KCNMA1: variants seen among roughly 807,000 people sequenced by gnomAD.
KCNMA1 encodes the protein potassium calcium-activated channel subfamily M alpha 1, also known as Calcium-activated potassium channel subunit alpha-1.
KCNMA1 carries 29 observed loss-of-function variants against 140.0 expected under a neutral mutation model. The ratio of observed to expected loss-of-function variants is 0.21; its 90% CI spans 0.15 to 0.28. The LOEUF is 0.28. Among genes scored for constraint, KCNMA1 ranks in the 10% least tolerant of loss-of-function variants. The probability of loss-of-function intolerance (pLI) is 1.00; values close to 1 mark genes in which losing one functional copy is unlikely to be tolerated. For synonymous variants in KCNMA1, 612 were observed against 611.9 expected (o/e 1.00, Z 0.00); for missense variants, 880 against 1,602.2 (o/e 0.55, Z 7.70).
chr10:77,115,406 T>C (rs571896762), intron 6 of KCNMA1, among the ~76,000 whole-genome samples: 1 of 152,324 alleles, frequency 6.6e-6, no homozygotes, highest in Admixed American at 6.5e-5. Context: ...ACCTTGTAAG[T>C]CCTCTAAGGT....
intron 7 of KCNMA1, among the ~76,000 whole-genome samples, chr10:77,111,747 G>A (rs1315424012): frequency 6.6e-6 from 1 of 152,172 alleles, no homozygotes; most frequent in African/African-American, 2.4e-5. Context: ...AGCTAGACGA[G>A]GCTCCTTCCA....
intron 1 of KCNMA1, among the ~76,000 whole-genome samples, chr10:77,610,472 AGG>A (rs1491567960): frequency 6.6e-6 from 1 of 152,190 alleles, no homozygotes; most frequent in Non-Finnish European, 1.5e-5. Context: ...ACAAGGGTGG[AGG>A]CTCTCTCTCT....
At chr10:77,418,470 T>C (rs2096791483) in intron 1 of KCNMA1, among the ~76,000 whole-genome samples, 1 of 152,182 alleles carries the variant, frequency 6.6e-6, no homozygotes, top group Non-Finnish European at 1.5e-5. Flanking sequence ...AGGAATGTCT[T>C]AGAAACTGGT....
chr10:77,248,955 A>G (rs1273157970), intron 3 of KCNMA1, among the ~76,000 whole-genome samples: 4 of 152,232 alleles, frequency 2.6e-5, no homozygotes, highest in African/African-American at 9.6e-5. Context: ...TGCTCTCAGA[A>G]CAAAATGAAG....
rs114665596 is a variant in KCNMA1, at chr10:77,389,031, G to A, written c.540+14831C>T. ...GTTTTCTAATTTAGCATCCAGGGAG[G>A]CAAGGGGGAGTCTTTGCTTAAATCA... On this transcript the variant is annotated intron_variant, in intron 2 of 27. Transcript: ENST00000286628. Among the ~76,000 whole-genome samples, 1,110 of 152,314 alleles carry A rather than the reference G, an allele frequency of 7.3e-3. 18 individuals carry two copies. Among genetic ancestry groups the A allele is most frequent in the African/African-American group, 0.025 (1,048 of 41,558 alleles).
chr10:77,549,717 T>A (rs1003512645), intron 1 of KCNMA1, among the ~76,000 whole-genome samples: 1 of 152,206 alleles, frequency 6.6e-6, no homozygotes, highest in Non-Finnish European at 1.5e-5. Flanking sequence ...TGTCTAAACA[T>A]CCCACCAGAC....
intron 21 of KCNMA1, among the ~76,000 whole-genome samples, chr10:76,949,616 C>G (rs1315640464): frequency 6.6e-6 from 1 of 152,026 alleles, no homozygotes; most frequent in African/African-American, 2.4e-5. Context: ...CCTTCTTTGA[C>G]AAAAGATTTA....
At chr10:77,225,198 G>A (rs555417631) in intron 3 of KCNMA1, among the ~76,000 whole-genome samples, 4 of 152,328 alleles carry the variant, frequency 2.6e-5, no homozygotes, top group Non-Finnish European at 4.4e-5. Context: ...TGGCCAGAGA[G>A]AAACTGAGCA....
chr10:77,073,611 C>T (rs2096284653), intron 13 of KCNMA1, among the ~76,000 whole-genome samples: 1 of 152,148 alleles, frequency 6.6e-6, no homozygotes, highest in Admixed American at 6.5e-5. Context: ...GTGCCAAATG[C>T]CTGTATATTT....
At chr10:76,871,649 C>T (rs1181820167) in exon 28 of KCNMA1, 1 of 152,220 alleles carries the variant, frequency 6.6e-6, no homozygotes, top group Non-Finnish European at 1.5e-5. Context: ...CAGTAAATAT[C>T]AATTAGCAGT....
chr10:76,934,863 C>T (rs151330060), intron 23 of KCNMA1, among the ~76,000 whole-genome samples: 2 of 152,288 alleles, frequency 1.3e-5, no homozygotes, highest in East Asian at 1.9e-4. Context: ...TCTTCATTCT[C>T]ATCTGCTGTC....
intron 2 of KCNMA1, among the ~76,000 whole-genome samples, chr10:77,396,944 GAC>G (rs1157176103): frequency 2.6e-5 from 4 of 152,318 alleles, no homozygotes; most frequent in Admixed American, 6.5e-5. Flanking sequence ...TCTTTGAAGA[GAC>G]ACACAAAACA....
In KCNMA1 at chr10:76,889,442, A is replaced by G; in HGVS notation, c.3461+9T>C. On this transcript the variant is annotated intron_variant, in intron 27 of 27. Coordinates refer to ENST00000286628, the MANE Select transcript of KCNMA1 (RefSeq NM_001161352.2). ...TAGGTGGGAGGGCAGAGTTGAAACC[A>G]ATACTCACCTCTTTGTGCACTGACT... 1.3e-6 allele frequency: 2 copies of G among 1,571,750 alleles called. No homozygotes were observed. The highest frequency in any genetic ancestry group is 1.8e-6 in the Non-Finnish European group (2 of 1,141,240).
chr10:77,383,596 A>G (rs2095502165), intron 2 of KCNMA1, among the ~76,000 whole-genome samples: 1 of 152,198 alleles, frequency 6.6e-6, no homozygotes, highest in African/African-American at 2.4e-5. Flanking sequence ...AGTGAAATTA[A>G]TTTTAATAAT....
At chr10:77,087,914 A>G (rs1011746531) in intron 10 of KCNMA1, among the ~76,000 whole-genome samples, 7 of 151,904 alleles carry the variant, frequency 4.6e-5, no homozygotes, top group Admixed American at 1.3e-4. Context: ...AACATTTTAA[A>G]TAAATAATAG....
chr10:77,188,855 T>C (rs564309473), intron 3 of KCNMA1, among the ~76,000 whole-genome samples: 1 of 152,242 alleles, frequency 6.6e-6, no homozygotes, highest in Admixed American at 6.5e-5. Context: ...GCAGGAGCTC[T>C]CAGCACAAAA....
intron 14 of KCNMA1, among the ~76,000 whole-genome samples, chr10:77,045,748 C>T (rs923306496): frequency 6.6e-6 from 1 of 152,150 alleles, no homozygotes; most frequent in African/African-American, 2.4e-5. Context: ...TTCTCTAATG[C>T]TAACAGCCCA....
intron 20 of KCNMA1, among the ~76,000 whole-genome samples, chr10:76,956,664 A>G (rs2153015468): frequency 6.6e-6 from 1 of 152,356 alleles, no homozygotes; most frequent in South Asian, 2.1e-4. Context: ...AGTCAAAGAG[A>G]GGTCCACAAG....
intron 1 of KCNMA1, among the ~76,000 whole-genome samples, chr10:77,575,108 T>A (rs780988733): frequency 6.6e-6 from 1 of 152,150 alleles, no homozygotes; most frequent in Non-Finnish European, 1.5e-5. Flanking sequence ...AGCAAAGGGA[T>A]TACTTTGGGT....
Sources: allele counts gnomAD v4.1 joint callset (sites outside exome capture counted in the v4.1 genomes callset), GRCh38; gene constraint gnomAD v4.1.1; transcripts MANE v1.5; gene names NCBI Gene and HGNC (gene_info 2026-07-23, HGNC 2026-07-21).